The following STK32B variants were observed in gnomAD, a reference collection of about 807,000 sequenced individuals.
The protein encoded by STK32B is serine/threonine-protein kinase 32B.
A neutral mutation model predicts 52.6 loss-of-function variants in STK32B; 43 were observed. That is an observed-to-expected ratio of 0.82 (90% confidence interval 0.64 to 1.05). STK32B has a LOEUF of 1.05. Ranked by LOEUF, STK32B falls within the 50% of genes least tolerant of loss-of-function variation. The probability of loss-of-function intolerance (pLI) is 0.00; values close to 1 mark genes in which losing one functional copy is unlikely to be tolerated. For missense variants in STK32B, 621 were observed against 534.6 expected, an observed-to-expected ratio of 1.16 and a Z score of -1.59; for synonymous variants, 238 against 204.3, an observed-to-expected ratio of 1.17 and a Z score of -1.41.
chr4:5,346,315 C>G lies in STK32B; in HGVS notation c.434+14922C>G, dbSNP rs553973183. On this transcript the variant is annotated intron_variant, in intron 4 of 11. Coordinates refer to ENST00000282908, the MANE Select transcript of STK32B (RefSeq NM_018401.3). ...TCATCGCTCATTTAATAGCAGTGTA[C>G]ATGAAGGAATGTAAGAGTCCAGATT... is the stretch of plus-strand genomic sequence containing the variant. 5.9e-5 allele frequency among the ~76,000 whole-genome samples: 9 copies of G among 152,232 alleles called. No homozygotes were observed. In the East Asian group the frequency reaches 1.7e-3, roughly 29 times the overall value.
intron 3 of STK32B, among the ~76,000 whole-genome samples, chr4:5,259,380 G>A (rs1726552713): frequency 6.6e-6 from 1 of 152,184 alleles, no homozygotes; most frequent in Admixed American, 6.5e-5. Context: ...ACAGAATGCA[G>A]GCAGAGGCAG....
At chr4:5,174,051 T>C (rs939440936) in intron 3 of STK32B, among the ~76,000 whole-genome samples, 7 of 152,218 alleles carry the variant, frequency 4.6e-5, no homozygotes, top group Non-Finnish European at 1.0e-4. Context: ...TTTACCATTA[T>C]GTAATGGCCT....
At chr4:5,232,094 C>T (rs1200554526) in intron 3 of STK32B, among the ~76,000 whole-genome samples, 1 of 152,056 alleles carries the variant, frequency 6.6e-6, no homozygotes, top group Non-Finnish European at 1.5e-5. Flanking sequence ...AGCTGACAGC[C>T]CAGCCCAGAC....
At chr4:5,488,374 A>T (rs56391079) in intron 11 of STK32B, among the ~76,000 whole-genome samples, 23,992 of 152,234 alleles carry the variant, frequency 0.16, 4,290 homozygotes, top group African/African-American at 0.44. Context: ...GAATTAACAA[A>T]CAGAACATCC....
chr4:5,173,925 T>A (rs1233009587), intron 3 of STK32B, among the ~76,000 whole-genome samples: 20 of 152,198 alleles, frequency 1.3e-4, no homozygotes, highest in African/African-American at 4.3e-4. Flanking sequence ...CCTATTATTA[T>A]GGTGTGGGAG....
intron 4 of STK32B, among the ~76,000 whole-genome samples, chr4:5,352,638 A>G (rs75601917): frequency 0.01 from 1,532 of 151,830 alleles, 24 homozygotes; most frequent in East Asian, 0.074. Flanking sequence ...AAAACGTCCA[A>G]ACTAAAAAAG....
rs1455026272 is a variant in STK32B at position 5,469,979 on chromosome 4, G to T, written c.1106+1909G>T. Among the ~76,000 whole-genome samples, 2 of 152,116 alleles carry T rather than the reference G, an allele frequency of 1.3e-5. No individual in the cohort carries two copies. Among genetic ancestry groups the T allele is most frequent in the Non-Finnish European group, 2.9e-5 (2 of 68,014 alleles). ...GGCAGCCTTCATTCTCTGTGTGTGG[G>T]CCGTGGAGTCCAATGAGAGCAGCTG... On this transcript the variant is annotated intron_variant, in intron 11 of 11. Coordinates refer to ENST00000282908, the MANE Select transcript of STK32B (RefSeq NM_018401.3). The surrounding 1 kb of genome is among the most constrained non-coding windows in gnomAD (Gnocchi z 4.7).
At chr4:5,288,730 G>A (rs527578893) in intron 3 of STK32B, among the ~76,000 whole-genome samples, 1 of 152,198 alleles carries the variant, frequency 6.6e-6, no homozygotes, top group South Asian at 2.1e-4. Flanking sequence ...GAACACAAAA[G>A]TTTTTAATTT....
intron 3 of STK32B, among the ~76,000 whole-genome samples, chr4:5,204,835 G>T (rs539561077): frequency 1.1e-4 from 17 of 152,098 alleles, no homozygotes; most frequent in African/African-American, 3.4e-4. Context: ...GACCACTCGT[G>T]GGGAGGGGCT....
Position 5,460,374 on chromosome 4 carries a change from G to A in STK32B, c.909+146G>A. On this transcript the variant is annotated intron_variant, in intron 9 of 11. Coordinates refer to ENST00000282908, the MANE Select transcript of STK32B (RefSeq NM_018401.3). The surrounding 1 kb of genome is among the most constrained non-coding windows in gnomAD (Gnocchi z 4.8). ...AGGGCTTATGTCTTGCTGGAATTCA[G>A]GGTGAACTTGGGCCTGATTTCCAGG... The A allele has an allele frequency of 7.6e-7, 1 of 1,308,332 alleles. No homozygotes were observed. The allele number at this position is 1,308,332 out of a possible 1,614,324, so 81.0% of individuals were successfully genotyped here. A position where few individuals can be genotyped will look rare whatever the true frequency, so the allele number is the denominator to read the frequency against.
chr4:5,340,077 C>G (rs74421399), intron 4 of STK32B, among the ~76,000 whole-genome samples: 2,082 of 152,302 alleles, frequency 0.014, 30 homozygotes, highest in East Asian at 0.073. Flanking sequence ...TGTTTTAAAG[C>G]AATTAGAAGA....
chr4:5,419,731 T>C (rs1560396380), intron 6 of STK32B, among the ~76,000 whole-genome samples: 1 of 152,374 alleles, frequency 6.6e-6, no homozygotes, highest in East Asian at 1.9e-4. Context: ...GGAGAACTTA[T>C]TTTTGTAGCA....
chr4:5,344,653 GT>G (rs996593230), intron 4 of STK32B, among the ~76,000 whole-genome samples: 22 of 148,590 alleles, frequency 1.5e-4, no homozygotes, highest in African/African-American at 4.9e-4. Context: ...TGAGTTTTTT[GT>G]TTTTTCCATT....
intron 11 of STK32B, 27 bp from the exon 12 acceptor site, chr4:5,498,918 C>G: frequency 6.2e-7 from 1 of 1,602,044 alleles, no homozygotes; most frequent in Non-Finnish European, 8.5e-7. Context: ...TGCCGCACCA[C>G]TAACTCAGAT....
At chr4:5,326,077 C>G (rs1244004199) in intron 3 of STK32B, among the ~76,000 whole-genome samples, 2 of 152,110 alleles carry the variant, frequency 1.3e-5, no homozygotes, top group Non-Finnish European at 2.9e-5. Flanking sequence ...AGAATTCATT[C>G]CAGTATGCAA....
intron 6 of STK32B, among the ~76,000 whole-genome samples, chr4:5,439,440 T>C (rs1300864320): frequency 6.6e-6 from 1 of 152,026 alleles, no homozygotes; most frequent in Admixed American, 6.5e-5. Flanking sequence ...GCCCACTTTT[T>C]GATGGGGTTG....
chr4:5,352,823 G>C lies in STK32B; in HGVS notation c.434+21430G>C, dbSNP rs577416075. Reference sequence around the variant, plus strand: ...ATTAACTAGCTAATATTGTTAAAATGACCATACTACCCAAAGCAATCTACA... The same window carrying C: ...ATTAACTAGCTAATATTGTTAAAATCACCATACTACCCAAAGCAATCTACA... On this transcript the variant is annotated intron_variant, in intron 4 of 11. Transcript: ENST00000282908. 2.0e-5 allele frequency among the ~76,000 whole-genome samples: 3 copies of C among 152,088 alleles called. No homozygotes were observed. In the East Asian group the frequency reaches 5.8e-4, roughly 29 times the overall value.
At chr4:5,073,611 T>C (rs998496027) in intron 1 of STK32B, among the ~76,000 whole-genome samples, 2 of 152,062 alleles carry the variant, frequency 1.3e-5, no homozygotes, top group Admixed American at 6.6e-5. Flanking sequence ...TTATCATATA[T>C]CATTTGTCTT....
intron 3 of STK32B, among the ~76,000 whole-genome samples, chr4:5,199,273 T>C (rs1354679484): frequency 6.6e-6 from 1 of 152,168 alleles, no homozygotes; most frequent in Non-Finnish European, 1.5e-5. Context: ...GCATCAACAT[T>C]GTGCAGAAAG....
Sources: allele counts gnomAD v4.1 joint callset (sites outside exome capture counted in the v4.1 genomes callset), GRCh38; gene constraint gnomAD v4.1.1; non-coding constraint Gnocchi (gnomAD v3.1); transcripts MANE v1.5; gene names NCBI Gene and HGNC (gene_info 2026-07-23, HGNC 2026-07-21).